The following FAM107A variants were observed in gnomAD, a reference collection of about 807,000 sequenced individuals.
The protein encoded by FAM107A is family with sequence similarity 107 member A.
Under a neutral mutation model 13.7 loss-of-function variants are expected in FAM107A, and 19 were observed. The ratio of observed to expected loss-of-function variants is 1.38; its 90% CI spans 0.97 to 2.03. The LOEUF (loss-of-function observed/expected upper bound fraction) is 2.03. Ranked by LOEUF, FAM107A falls within the 30% of genes most tolerant of loss-of-function variation. FAM107A has a pLI of 0.00. For synonymous variants in FAM107A, 82 were observed against 74.5 expected, an observed-to-expected ratio of 1.10 and a Z score of -0.52; for missense variants, 203 against 184.4, an observed-to-expected ratio of 1.10 and a Z score of -0.58.
chr3:58,574,164 A>G (rs1283333504), intron 1 of FAM107A: 2 of 152,204 alleles, frequency 1.3e-5, no homozygotes, highest in Non-Finnish European at 2.9e-5. Flanking sequence ...GCTATTAACA[A>G]TCACTATTAA....
chr3:58,588,188 T>C (rs1311797075), upstream of FAM107A, among the ~76,000 whole-genome samples: 1 of 152,220 alleles, frequency 6.6e-6, no homozygotes, highest in Non-Finnish European at 1.5e-5. Context: ...CTTAAGCCCC[T>C]GAAATCTAGA....
chr3:58,594,951 T>C (rs1223609216), intron 1 of FAM107A, among the ~76,000 whole-genome samples: 1 of 152,138 alleles, frequency 6.6e-6, no homozygotes, highest in African/African-American at 2.4e-5. Context: ...TTAATACCTG[T>C]TTTCCTCCTT....
chr3:58,574,170 AT>A (rs1312917256), intron 1 of FAM107A: 1 of 152,316 alleles, frequency 6.6e-6, no homozygotes, highest in East Asian at 1.9e-4. Context: ...AACAATCACT[AT>A]TAATAAATCC....
chr3:58,616,084 A>G (rs1439425152), intron 1 of FAM107A, among the ~76,000 whole-genome samples: 1 of 152,114 alleles, frequency 6.6e-6, no homozygotes, highest in Non-Finnish European at 1.5e-5. Context: ...TAGGGAGCCC[A>G]GAGCACGATC....
rs11539090 is a variant in FAM107A at position 58,569,864 on chromosome 3, G to T, written c.-4C>A. ...CCCTCTGGATCTCCGAGTACATGGC[G>T]GCTGTAGAGATGGGCAGAGGAGTAG... is the stretch of plus-strand genomic sequence containing the variant. On this transcript the variant is annotated splice_region_variant and 5_prime_UTR_variant, in exon 2 of 4. Coordinates refer to ENST00000360997, the MANE Select transcript of FAM107A (RefSeq NM_001076778.3). This position sits in a 1 kb window ranked among gnomAD's most constrained non-coding sequence, Gnocchi z 5.7. 6.2e-7 allele frequency: 1 copy of T among 1,613,424 alleles called. No individual in the cohort carries two copies. Among genetic ancestry groups the T allele is most frequent in the Non-Finnish European group, 8.5e-7 (1 of 1,179,766 alleles).
chr3:58,604,585 T>C lies in FAM107A; in HGVS notation c.-69-15316A>G, dbSNP rs144950965. On this transcript the variant is annotated intron_variant, in intron 1 of 3. Transcript: ENST00000465970. The surrounding 1 kb of genome is among the most constrained non-coding windows in gnomAD (Gnocchi z 4.1). ...CACTCCCTGGGCCCCATAAGATCAA[T>C]CAGCGGGACCTCAGGATGTGTGGAC... is the stretch of plus-strand genomic sequence containing the variant. Among the ~76,000 whole-genome samples, 193 of 152,302 alleles carry C rather than the reference T, an allele frequency of 1.3e-3. 5 individuals are homozygous for C. In the East Asian group the frequency reaches 0.034, roughly 27 times the overall value.
rs749103121 is a variant in FAM107A, at chr3:58,569,716, G to A, written c.145C>T (p.Arg49Trp). 26 of 1,613,578 alleles carry A rather than the reference G, an allele frequency of 1.6e-5. No homozygotes were observed. The Middle Eastern group carries it at 4.9e-4, about 31-fold the overall frequency. Residue 49 changes from arginine to tryptophan, a missense_variant, in exon 2 of 4, where the codon CGG (arginine) becomes TGG (tryptophan). Transcript: ENST00000360997. The surrounding 1 kb of genome is among the most constrained non-coding windows in gnomAD (Gnocchi z 5.7). Reference protein sequence around the residue: ...KASRSHQELHRELLMNHRRGL... With the variant: ...KASRSHQELHWELLMNHRRGL... The stretch of plus-strand genomic sequence containing the variant: ...CTTCTGTGGTTCATGAGCAGCTCCC[G>A]GTGGAGCTCCTGGTGACTCCGAGAG...
At chr3:58,575,250 G>A (rs183196910) in intron 1 of FAM107A, among the ~76,000 whole-genome samples, 6 of 152,338 alleles carry the variant, frequency 3.9e-5, no homozygotes, top group Admixed American at 3.3e-4. Flanking sequence ...CCTTGGGCAA[G>A]TAGCTTAACC....
At chr3:58,594,956 C>T (rs1325014489) in intron 1 of FAM107A, among the ~76,000 whole-genome samples, 1 of 152,056 alleles carries the variant, frequency 6.6e-6, no homozygotes, top group Non-Finnish European at 1.5e-5. Flanking sequence ...ACCTGTTTTC[C>T]TCCTTCTTTT....
In FAM107A at chr3:58,569,002, T is replaced by C. The variant is rs934770430; in HGVS notation, c.170+689A>G. Among the ~76,000 whole-genome samples the C allele has an allele frequency of 6.6e-6, 1 of 152,146 alleles. No individual in the cohort carries two copies. Among genetic ancestry groups the C allele is most frequent in the Non-Finnish European group, 1.5e-5 (1 of 68,022 alleles). On this transcript the variant is annotated intron_variant, in intron 2 of 3. Transcript: ENST00000360997. The surrounding 1 kb of genome is among the most constrained non-coding windows in gnomAD (Gnocchi z 5.7). Reference sequence around the variant, plus strand: ...TGTAACATTCCTGCCCACTTTGGTATTGTGAGCTCCCCCATCCCACCTCAC... The same window carrying C: ...TGTAACATTCCTGCCCACTTTGGTACTGTGAGCTCCCCCATCCCACCTCAC...
chr3:58,581,484 G>A (rs1053639795), upstream of FAM107A, among the ~76,000 whole-genome samples: 1 of 152,148 alleles, frequency 6.6e-6, no homozygotes, highest in Admixed American at 6.5e-5. Flanking sequence ...AGTTTCCATG[G>A]CAACTTAAAA....
chr3:58,610,359 G>A (rs1394163120), intron 1 of FAM107A, among the ~76,000 whole-genome samples: 2 of 152,284 alleles, frequency 1.3e-5, no homozygotes, highest in East Asian at 3.9e-4. Flanking sequence ...CCATCCATGA[G>A]GCTGAGCCTG....
At chr3:58,608,461 A>G (rs4443193) in intron 1 of FAM107A, among the ~76,000 whole-genome samples, 32,434 of 152,122 alleles carry the variant, frequency 0.21, 4,168 homozygotes, top group South Asian at 0.47. Context: ...CTCCTTCCTT[A>G]TCTATGGAAT....
At chr3:58,603,686 A>G (rs73076206) in intron 1 of FAM107A, among the ~76,000 whole-genome samples, 37,768 of 152,014 alleles carry the variant, frequency 0.25, 5,251 homozygotes, top group South Asian at 0.48. Flanking sequence ...GGAAGAGGGT[A>G]ACCTGCAAGA....
Position 58,567,354 on chromosome 3 carries a change from C to A in FAM107A, c.181G>T (p.Val61Leu). The A allele has an allele frequency of 2.5e-6, 4 of 1,610,704 alleles. No homozygotes were observed. Among genetic ancestry groups the A allele is most frequent in the Non-Finnish European group, 3.4e-6 (4 of 1,178,986 alleles). ...CGCTGCAGCTCTGGCTTGCTGTCCACACCAAGGCCCCTGGGGTGGGAAGTG... is the reference window on the plus strand; with the variant it reads ...CGCTGCAGCTCTGGCTTGCTGTCCAAACCAAGGCCCCTGGGGTGGGAAGTG... ...LLMNHRRGLGVDSKPELQRVL... is the reference protein window; with the variant it reads ...LLMNHRRGLGLDSKPELQRVL... Residue 61 changes from valine (V) to leucine (L), a missense_variant, in exon 3 of 4, where the codon GTG becomes TTG. Coordinates refer to ENST00000360997, the MANE Select transcript of FAM107A (RefSeq NM_001076778.3).
At chr3:58,612,356 G>T (rs761642440) in intron 1 of FAM107A, among the ~76,000 whole-genome samples, 20 of 152,168 alleles carry the variant, frequency 1.3e-4, no homozygotes, top group Admixed American at 7.2e-4. Context: ...GAGGGGGGCA[G>T]ATCACTTGTG....
chr3:58,568,410 G>A (rs1056269896), intron 2 of FAM107A, among the ~76,000 whole-genome samples: 4 of 151,698 alleles, frequency 2.6e-5, no homozygotes, highest in African/African-American at 4.8e-5. Flanking sequence ...ACTCCAGCCT[G>A]GGCGACAGAG....
In FAM107A at chr3:58,569,653, G is replaced by A; in HGVS notation, c.170+38C>T. The stretch of plus-strand genomic sequence containing the variant: ...CCTTCCCCATCCCCCACAGGCCCAG[G>A]TGCTTGCGGGGCCCAGGCAGCAGGG... On this transcript the variant is annotated intron_variant, in intron 2 of 3. Transcript: ENST00000360997. This position sits in a 1 kb window ranked among gnomAD's most constrained non-coding sequence, Gnocchi z 5.7. The A allele has an allele frequency of 6.4e-7, 1 of 1,570,634 alleles. No individual in the cohort carries two copies.
upstream of FAM107A, among the ~76,000 whole-genome samples, chr3:58,589,688 C>T (rs779413769): frequency 1.3e-5 from 2 of 152,208 alleles, no homozygotes; most frequent in Non-Finnish European, 2.9e-5. Flanking sequence ...TTATTACTAA[C>T]TAAAGTGCAT....
Sources: allele counts gnomAD v4.1 joint callset (sites outside exome capture counted in the v4.1 genomes callset), GRCh38; gene constraint gnomAD v4.1.1; non-coding constraint Gnocchi (gnomAD v3.1); transcripts MANE v1.5; gene names NCBI Gene and HGNC (gene_info 2026-07-23, HGNC 2026-07-21).